WDR59: variants seen among roughly 807,000 people sequenced by gnomAD.
The protein encoded by WDR59 is GATOR2 complex protein WDR59.
Under a neutral mutation model 131.2 loss-of-function variants are expected in WDR59, and 100 were observed. That is an observed-to-expected ratio of 0.76 (90% CI 0.65 to 0.90). The LOEUF (loss-of-function observed/expected upper bound fraction) is 0.90, where lower values mean the gene tolerates loss of function less well. Ranked by LOEUF, WDR59 falls within the 40% of genes least tolerant of loss-of-function variation. WDR59 has a pLI of 0.00. For missense variants in WDR59, 1,203 were observed against 1,262.2 expected (o/e 0.95, Z 0.71); for synonymous variants, 601 against 466.2 (o/e 1.29, Z -3.72).
chr16:74,906,042 C>CG (rs1172589825), intron 17 of WDR59, among the ~76,000 whole-genome samples: 1 of 151,682 alleles, frequency 6.6e-6, no homozygotes, highest in Non-Finnish European at 1.5e-5. Context: ...CGGCCGGGCG[C>CG]GGTGGCTCAC....
intron 4 of WDR59, among the ~76,000 whole-genome samples, chr16:74,950,294 T>A (rs939092078): frequency 7.2e-5 from 11 of 152,142 alleles, no homozygotes; most frequent in Admixed American, 6.6e-5. Flanking sequence ...GCCACTGCAC[T>A]CCAGCCTGGG....
Position 74,885,755 on chromosome 16 carries a change from T to C in WDR59, c.2587A>G (p.Lys863Glu). 4 of 1,614,156 alleles carry C rather than the reference T, an allele frequency of 2.5e-6. No homozygotes were observed. Among genetic ancestry groups the C allele is most frequent in the Non-Finnish European group, 3.4e-6 (4 of 1,180,024 alleles). ...TAGAGGATTTCCCCATAGCATTTCT[T>C]AAAGTCATCAAATTGCTGGGTATTG... ...PANTQQFDDFKKCYGEILYRW... is the reference protein window; with the variant it reads ...PANTQQFDDFEKCYGEILYRW... The change falls in exon 25 of 26, where the codon AAG becomes GAG. Residue 863 changes from lysine to glutamate, a missense_variant. Coordinates refer to ENST00000262144, the MANE Select transcript of WDR59 (RefSeq NM_030581.4).
At chr16:74,906,171 G>A (rs907714002) in intron 17 of WDR59, among the ~76,000 whole-genome samples, 3 of 151,158 alleles carry the variant, frequency 2.0e-5, no homozygotes, top group African/African-American at 4.9e-5. Context: ...AAAATTAGCC[G>A]GGCGTGGTGG....
intron 1 of WDR59, among the ~76,000 whole-genome samples, chr16:74,983,881 A>C (rs1314406350): frequency 1.6e-5 from 2 of 123,118 alleles, no homozygotes; most frequent in African/African-American, 2.5e-5. Context: ...GGGGAGGCTG[A>C]GGTGGGAGGA....
intron 25 of WDR59, among the ~76,000 whole-genome samples, chr16:74,878,338 T>G (rs1044176150): frequency 1.3e-5 from 2 of 152,250 alleles, no homozygotes; most frequent in African/African-American, 2.4e-5. Context: ...ATTTTTTAAA[T>G]TTGTTTTATG....
Position 74,909,897 on chromosome 16 carries a change from C to A in WDR59, c.1410G>T (p.Leu470=). 6.2e-7 allele frequency: 1 copy of A among 1,612,816 alleles called. No individual in the cohort carries two copies. Residue 470 remains leucine, a synonymous_variant, in exon 15 of 26, where the codon CTG becomes CTT. Transcript: ENST00000262144. ...KLLKILKDTA[L]QKVKRGQSCL... The stretch of plus-strand genomic sequence containing the variant: ...AGCTCTGGCCACGCTTCACTTTCTG[C>A]AGGGCTGTGTCCTTCAGGATCTAGA...
At chr16:74,901,383 A>C (rs1227165928) in intron 18 of WDR59, among the ~76,000 whole-genome samples, 2 of 152,008 alleles carry the variant, frequency 1.3e-5, no homozygotes, top group African/African-American at 4.8e-5. Flanking sequence ...CCATGGAATA[A>C]AAATATGTAG....
intron 22 of WDR59, 109 bp from the exon 23 acceptor site, chr16:74,887,864 T>C (rs1348605944): frequency 8.6e-7 from 1 of 1,157,384 alleles, no homozygotes; most frequent in African/African-American, 1.5e-5. Context: ...ATGCCTGTAA[T>C]CCTAGCAGTT....
intron 25 of WDR59, among the ~76,000 whole-genome samples, chr16:74,878,383 G>A (rs886717317): frequency 5.9e-5 from 9 of 152,216 alleles, no homozygotes; most frequent in African/African-American, 1.2e-4. Context: ...GCCGGGTGCC[G>A]TGGCTCTCGC....
At chr16:74,895,876 G>A (rs1450593094) in intron 18 of WDR59, among the ~76,000 whole-genome samples, 1 of 152,164 alleles carries the variant, frequency 6.6e-6, no homozygotes, top group African/African-American at 2.4e-5. Context: ...CTATGGCAGG[G>A]CCTGTTTTAG....
intron 2 of WDR59, among the ~76,000 whole-genome samples, chr16:74,958,561 C>G (rs577077106): frequency 8.8e-6 from 1 of 113,940 alleles, no homozygotes; most frequent in Admixed American, 1.3e-4. Flanking sequence ...CCACTGCACT[C>G]CAGCCTGGGG....
chr16:74,927,584 T>C (rs1211801038), intron 8 of WDR59, among the ~76,000 whole-genome samples: 65 of 75,450 alleles, frequency 8.6e-4, no homozygotes, highest in African/African-American at 2.2e-3. Context: ...CGAGACTCCA[T>C]CTCAAAAAAA....
intron 8 of WDR59, among the ~76,000 whole-genome samples, chr16:74,937,247 C>A (rs1597751527): frequency 6.6e-6 from 1 of 152,172 alleles, no homozygotes; most frequent in Admixed American, 6.5e-5. Context: ...AATCGGGTTA[C>A]TGAAACACAT....
In WDR59 at chr16:74,909,433, T is replaced by C. The variant is rs144890265; in HGVS notation, c.1642+68A>G. 741 of 1,472,954 alleles carry C rather than the reference T, an allele frequency of 5.0e-4. 6 individuals carry two copies. In the African/African-American group the frequency reaches 9.6e-3, roughly 19 times the overall value. The allele number at this position is 1,472,954 out of a possible 1,614,324, so 91.2% of individuals were successfully genotyped here. ...AAACATTTTCTGATGAAGATGTTTA[T>C]ACAGAATCTATGACATTCTTAGCTG... On this transcript the variant is annotated intron_variant, in intron 16 of 25. Transcript: ENST00000262144.
intron 7 of WDR59, 72 bp downstream of exon 7, chr16:74,942,666 A>G (rs2032322133): frequency 2.0e-6 from 3 of 1,471,754 alleles, no homozygotes; most frequent in Non-Finnish European, 2.8e-6. Flanking sequence ...AAGTCCTGGC[A>G]CTCATAAAAT....
rs370378749 is a variant in WDR59 at position 74,909,583 on chromosome 16, C to T, written c.1560G>A (p.Ala520=). The T allele has an allele frequency of 2.8e-5, 45 of 1,610,648 alleles. No individual in the cohort carries two copies. Among genetic ancestry groups the T allele is most frequent in the African/African-American group, 5.3e-5 (4 of 74,840 alleles). Residue 520 remains alanine, a synonymous_variant, in exon 16 of 26, where the codon GCG becomes GCA. Transcript: ENST00000262144. ...NSVTPPLPTF[A]RVTTAYGSYQ... ...ACGACCCGTAAGCCGTGGTCACCCG[C>T]GCAAACGTCGGTAAGGGGGGAGTGA...
In WDR59 at chr16:74,921,966, C is replaced by T. The variant is rs763844240; in HGVS notation, c.867G>A (p.Gln289=). ...ACTCACCTTCCTTCTGCTTCCTCCA[C>T]TGGAACTCCAGGACCACATCATCAT... The part of the protein sequence containing the change: ...VGHDDVVLEF[Q]WRKQKEGSKD... Residue 289 remains glutamine (Q), a synonymous_variant, in exon 10 of 26, where the codon CAG becomes CAA. Transcript: ENST00000262144. The T allele has an allele frequency of 3.7e-6, 6 of 1,614,090 alleles. No homozygotes were observed. Among genetic ancestry groups the T allele is most frequent in the South Asian group, 2.2e-5 (2 of 91,054 alleles).
intron 1 of WDR59, among the ~76,000 whole-genome samples, chr16:74,981,574 A>G (rs1206023337): frequency 7.0e-6 from 1 of 143,106 alleles, no homozygotes; most frequent in Non-Finnish European, 1.5e-5. Flanking sequence ...ATATACATAT[A>G]TATTTTTTGT....
chr16:74,936,323 A>G (rs555369866), intron 8 of WDR59, among the ~76,000 whole-genome samples: 1 of 152,120 alleles, frequency 6.6e-6, no homozygotes, highest in South Asian at 2.1e-4. Flanking sequence ...AGATATGTAT[A>G]TATCTATATA....
Sources: gnomAD v4.1 joint callset for allele counts (sites outside exome capture counted in the v4.1 genomes callset) on GRCh38, gnomAD v4.1.1 for gene constraint, MANE v1.5 for transcripts, NCBI Gene and HGNC (gene_info 2026-07-23, HGNC 2026-07-21) for gene names.